AP5S1: variants seen among roughly 807,000 people sequenced by gnomAD.
The protein encoded by AP5S1 is AP-5 complex subunit sigma-1.
AP5S1 carries 13 observed loss-of-function variants against 13.9 expected under a neutral mutation model. That is an observed-to-expected ratio of 0.94 (90% CI 0.61 to 1.49). The LOEUF (loss-of-function observed/expected upper bound fraction) is 1.49, where lower values mean the gene tolerates loss of function less well. Ranked by LOEUF, AP5S1 falls within the 40% of genes most tolerant of loss-of-function variation. The pLI, the probability that AP5S1 is intolerant of heterozygous loss-of-function variation, is 0.00. For missense variants in AP5S1, 292 were observed against 272.3 expected (o/e 1.07, Z -0.51); for synonymous variants, 132 against 121.8 (o/e 1.08, Z -0.55).
Position 3,827,814 on chromosome 20 carries a change from T to A in AP5S1, c.*3517T>A, listed in dbSNP as rs1182512677. The A allele has an allele frequency of 2.0e-5, 3 of 149,802 alleles. No individual in the cohort carries two copies. Among genetic ancestry groups the A allele is most frequent in the Non-Finnish European group, 4.4e-5 (3 of 67,684 alleles). The allele number at this position is 149,802 out of a possible 1,614,324, so 9.3% of individuals were successfully genotyped here. The stretch of plus-strand genomic sequence containing the variant: ...TCTCACTCTGTTGCTCAGGCTGGAG[T>A]GCAGTGGTGCAATCTTGGCTCACTG... On this transcript the variant is annotated 3_prime_UTR_variant, in exon 3 of 3. Coordinates refer to ENST00000615891, the MANE Select transcript of AP5S1 (RefSeq NM_018347.3).
In AP5S1 at chr20:3,825,447, C is replaced by T. The variant is rs1318058698; in HGVS notation, c.*1150C>T. Reference sequence around the variant, plus strand: ...GGATGCCTCCATCTCTCATCCCCACCTCACCTCTGTCTCCTTAGAGGCCTC... The same window carrying T: ...GGATGCCTCCATCTCTCATCCCCACTTCACCTCTGTCTCCTTAGAGGCCTC... On this transcript the variant is annotated 3_prime_UTR_variant, in exon 3 of 3. Transcript: ENST00000615891. The T allele has an allele frequency of 6.6e-6, 1 of 152,270 alleles. No homozygotes were observed. The highest frequency in any genetic ancestry group is 2.4e-5 in the African/African-American group (1 of 41,446). 9.4% of individuals were successfully genotyped at this position (152,270 alleles called of 1,614,324 possible).
rs1227499885 is a variant in AP5S1 at position 3,824,239 on chromosome 20, T to C, written c.545T>C (p.Leu182Pro). The change falls in exon 3 of 3, where the codon CTC (leucine) becomes CCC (proline). Residue 182 changes from leucine (L) to proline (P), a missense_variant. Coordinates refer to ENST00000615891, the MANE Select transcript of AP5S1 (RefSeq NM_018347.3). ...RFLPHGQLLF[L>P]NDQFVQGLEK... is the part of the protein sequence containing the mutation. ...CTGCCACATGGTCAGCTGCTTTTCC[T>C]CAACGACCAGTTTGTCCAAGGCCTG... The C allele has an allele frequency of 1.2e-6, 2 of 1,614,206 alleles. No individual in the cohort carries two copies. The highest frequency in any genetic ancestry group is 2.2e-5 in the East Asian group (1 of 44,882).
rs779281732 is a variant in AP5S1 at position 3,823,827 on chromosome 20, G to A, written c.177-44G>A. 5 of 1,567,730 alleles carry A rather than the reference G, an allele frequency of 3.2e-6. No individual in the cohort carries two copies. In the African/African-American group the frequency reaches 5.4e-5, roughly 17 times the overall value. ...CAGGGTTGATCATGAGGATGACAGA[G>A]TTGGTGTGTGAGCCCACCAGCCTGA... On this transcript the variant is annotated intron_variant, in intron 2 of 2. Transcript: ENST00000615891.
chr20:3,824,805 A>G lies in AP5S1; in HGVS notation c.*508A>G, dbSNP rs6052101. 10,519 of 154,778 alleles carry G rather than the reference A, an allele frequency of 0.068. 1,233 individuals are homozygous for G. The highest frequency in any genetic ancestry group is 0.24 in the African/African-American group (9,887 of 41,368). 9.6% of individuals were successfully genotyped at this position (154,778 alleles called of 1,614,324 possible). ...AAAATTAGCTGGGTGTATGGCGCCCACCTGTAATCCTAGCTGCTCAGGGGG... is the reference window on the plus strand; with the variant it reads ...AAAATTAGCTGGGTGTATGGCGCCCGCCTGTAATCCTAGCTGCTCAGGGGG... On this transcript the variant is annotated 3_prime_UTR_variant, in exon 3 of 3. Transcript: ENST00000615891.
Position 3,823,959 on chromosome 20 carries a change from C to T in AP5S1, c.265C>T (p.Pro89Ser), listed in dbSNP as rs371588969. 4 of 1,609,528 alleles carry T rather than the reference C, an allele frequency of 2.5e-6. No homozygotes were observed. In the African/African-American group the frequency reaches 5.3e-5, roughly 21 times the overall value. ...LQPQSSDEQV[P>S]LHEAPRGAFR... The stretch of plus-strand genomic sequence containing the variant: ...GCCGCAATCCTCAGATGAGCAAGTG[C>T]CGCTGCACGAGGCCCCACGTGGGGC... Residue 89 changes from proline (P) to serine (S), a missense_variant, in exon 3 of 3, where the codon CCG (proline) becomes TCG (serine). Physicochemically the swap from Pro to Ser is moderately conservative, Grantham distance 74. Transcript: ENST00000615891.
rs1207524229 is a variant in AP5S1 at position 3,825,732 on chromosome 20, G to C, written c.*1435G>C. 6.6e-6 allele frequency: 1 copy of C among 152,180 alleles called. No homozygotes were observed. Among genetic ancestry groups the C allele is most frequent in the Non-Finnish European group, 1.5e-5 (1 of 68,074 alleles). 9.4% of individuals were successfully genotyped at this position (152,180 alleles called of 1,614,324 possible). ...GCCTCTGAATTACCTCACCTGAGAG[G>C]TGGCGGCTGTGGGTGTTTGCCTACT... On this transcript the variant is annotated 3_prime_UTR_variant, in exon 3 of 3. Transcript: ENST00000615891.
Position 3,824,346 on chromosome 20 carries a change from A to G in AP5S1, c.*49A>G. 1 of 1,540,694 alleles carries G rather than the reference A, an allele frequency of 6.5e-7. No individual in the cohort carries two copies. The highest frequency in any genetic ancestry group is 8.9e-7 in the Non-Finnish European group (1 of 1,129,406). The stretch of plus-strand genomic sequence containing the variant: ...GAGGGCAGGCAGAGGGTAGACACAC[A>G]GCCAGATGAAGCTTGGCATCTCCCT... On this transcript the variant is annotated 3_prime_UTR_variant, in exon 3 of 3. Transcript: ENST00000615891.
At position 3,822,309 on chromosome 20, in the gene AP5S1, A is replaced by C; in HGVS notation, c.176+16A>C. 6.2e-7 allele frequency: 1 copy of C among 1,611,634 alleles called. No individual in the cohort carries two copies. Among genetic ancestry groups the C allele is most frequent in the South Asian group, 1.1e-5 (1 of 91,054 alleles). On this transcript the variant is annotated intron_variant, in intron 2 of 2. Transcript: ENST00000615891. ...CTGTGGCCAGGTAACCACACAGCCC[A>C]GCCCCAGGCCTTCATTGAACACGTA... is the stretch of plus-strand genomic sequence containing the variant.
rs927730750 is a variant in AP5S1 at position 3,828,741 on chromosome 20, G to A, written c.*4444G>A. 1 of 152,222 alleles carries A rather than the reference G, an allele frequency of 6.6e-6. No homozygotes were observed. Among genetic ancestry groups the A allele is most frequent in the African/African-American group, 2.4e-5 (1 of 41,452 alleles). The allele number at this position is 152,222 out of a possible 1,614,324, so 9.4% of individuals were successfully genotyped here. A position where few individuals can be genotyped will look rare whatever the true frequency, so the allele number is the denominator to read the frequency against. On this transcript the variant is annotated 3_prime_UTR_variant, in exon 3 of 3. Transcript: ENST00000615891. ...CTCATTTTGGAAGTACTGCTGAATA[G>A]TATTCCATTATGTGGATGTACATTA...
Position 3,826,419 on chromosome 20 carries a change from T to G in AP5S1, c.*2122T>G, listed in dbSNP as rs1229662636. ...CCTCACCCCAGGCTGGCGGTCCTGG[T>G]GGATTGGCTGTGTTCTCAGGGAACA... On this transcript the variant is annotated 3_prime_UTR_variant, in exon 3 of 3. Transcript: ENST00000615891. The G allele has an allele frequency of 1.3e-5, 2 of 152,206 alleles. No homozygotes were observed. Among genetic ancestry groups the G allele is most frequent in the African/African-American group, 4.8e-5 (2 of 41,426 alleles). The allele number at this position is 152,206 out of a possible 1,614,324, so 9.4% of individuals were successfully genotyped here.
In AP5S1 at chr20:3,824,037, C is replaced by T; in HGVS notation, c.343C>T (p.Leu115=). The T allele has an allele frequency of 6.2e-7, 1 of 1,613,806 alleles. No individual in the cohort carries two copies. The highest frequency in any genetic ancestry group is 8.5e-7 in the Non-Finnish European group (1 of 1,180,016). ...CCAGGAGCCACGGACGGTGGTGTGGCTGGGCGTGCTCTCGTTAGGCTTTGC... is the reference window on the plus strand; with the variant it reads ...CCAGGAGCCACGGACGGTGGTGTGGTTGGGCGTGCTCTCGTTAGGCTTTGC... The part of the protein sequence containing the change: ...PFQEPRTVVW[L]GVLSLGFALV... Residue 115 remains leucine (L), a synonymous_variant, in exon 3 of 3, where the codon CTG becomes TTG. Transcript: ENST00000615891.
At chr20:3,822,544 T>C (rs2089592039) in intron 2 of AP5S1, among the ~76,000 whole-genome samples, 1 of 152,244 alleles carries the variant, frequency 6.6e-6, no homozygotes, top group African/African-American at 2.4e-5. Context: ...AGCATTTATA[T>C]TCTGAACATC....
intron 1 of AP5S1, chr20:3,821,773 C>G (rs2089583366): frequency 2.8e-6 from 1 of 362,032 alleles, no homozygotes; most frequent in Non-Finnish European, 3.8e-6. Flanking sequence ...TCAGGTTTTC[C>G]ATGACCGCAT....
At chr20:3,820,891 G>C (rs901487337) in intron 1 of AP5S1, 133 bp downstream of exon 1, 3 of 152,196 alleles carry the variant, frequency 2.0e-5, no homozygotes. Context: ...TTCTCGAAGT[G>C]CCTTTGCGAA....
At chr20:3,821,013 A>G (rs1398474712) in intron 1 of AP5S1, among the ~76,000 whole-genome samples, 1 of 152,244 alleles carries the variant, frequency 6.6e-6, no homozygotes, top group Non-Finnish European at 1.5e-5. Context: ...AGCCAGCCAG[A>G]TAACCATTAC....
intron 2 of AP5S1, 66 bp from the exon 3 acceptor site, chr20:3,823,805 G>A: frequency 1.3e-6 from 2 of 1,548,616 alleles, no homozygotes; most frequent in Non-Finnish European, 1.7e-6. Context: ...CCAGCACCAG[G>A]GTTGATCATG....
In AP5S1 at chr20:3,823,962, C is replaced by A. The variant is rs1021749258; in HGVS notation, c.268C>A (p.Leu90Met). Residue 90 changes from leucine (L) to methionine (M), a missense_variant, in exon 3 of 3, where the codon CTG becomes ATG. By Grantham distance (15) the Leu-to-Met change is conservative. Coordinates refer to ENST00000615891, the MANE Select transcript of AP5S1 (RefSeq NM_018347.3). ...QPQSSDEQVP[L>M]HEAPRGAFRL... ...GCAATCCTCAGATGAGCAAGTGCCG[C>A]TGCACGAGGCCCCACGTGGGGCTTT... The A allele has an allele frequency of 3.7e-6, 6 of 1,610,100 alleles. No individual in the cohort carries two copies. In the African/African-American group the frequency reaches 8.0e-5, roughly 21 times the overall value.
chr20:3,822,494 T>C (rs2089591728), intron 2 of AP5S1, among the ~76,000 whole-genome samples: 1 of 152,222 alleles, frequency 6.6e-6, no homozygotes, highest in Non-Finnish European at 1.5e-5. Context: ...TCTGTTATCA[T>C]TATTAGTATA....
rs768409747 is a variant in AP5S1, at chr20:3,823,937, G to T, written c.243G>T (p.Pro81=). 1 of 1,606,276 alleles carries T rather than the reference G, an allele frequency of 6.2e-7. No homozygotes were observed. The highest frequency in any genetic ancestry group is 1.1e-5 in the South Asian group (1 of 91,074). Residue 81 remains proline (P), a synonymous_variant, in exon 3 of 3, where the codon CCG becomes CCT. Transcript: ENST00000615891. The part of the protein sequence containing the change: ...ASGRPPMDLQ[P]QSSDEQVPLH... ...GCCGGCCCCCCATGGACCTGCAGCC[G>T]CAATCCTCAGATGAGCAAGTGCCGC...
Sources: gnomAD v4.1 joint callset for allele counts (sites outside exome capture counted in the v4.1 genomes callset) on GRCh38, gnomAD v4.1.1 for gene constraint, MANE v1.5 for transcripts, NCBI Gene and HGNC (gene_info 2026-07-23, HGNC 2026-07-21) for gene names.